Variants in CLOCK observed in about 807,000 individuals in gnomAD.
The protein encoded by CLOCK is clock circadian regulator.
Under a neutral mutation model 118.4 loss-of-function variants are expected in CLOCK, and 43 were observed. That is an observed-to-expected ratio of 0.36 (90% CI 0.28 to 0.47). The LOEUF is 0.47. CLOCK is among the 20% of genes least tolerant of loss of function. The pLI, the probability that CLOCK is intolerant of heterozygous loss-of-function variation, is 1.00. For synonymous variants in CLOCK, 326 were observed against 339.2 expected, an observed-to-expected ratio of 0.96 and a Z score of 0.43; for missense variants, 846 against 999.9, an observed-to-expected ratio of 0.85 and a Z score of 2.08.
chr4:55,485,303 T>A (rs1409119835), intron 3 of CLOCK, among the ~76,000 whole-genome samples: 1 of 152,198 alleles, frequency 6.6e-6, no homozygotes, highest in Non-Finnish European at 1.5e-5. Context: ...GATCTTCATC[T>A]TTCCAGCCAA....
intron 22 of CLOCK, among the ~76,000 whole-genome samples, chr4:55,437,121 G>A (rs1722944026): frequency 6.6e-6 from 1 of 152,042 alleles, no homozygotes; most frequent in South Asian, 2.1e-4. Flanking sequence ...ATAGGCTTAA[G>A]GTCTAAAAGA....
intron 8 of CLOCK, among the ~76,000 whole-genome samples, chr4:55,468,356 C>G (rs546513377): frequency 6.6e-6 from 1 of 152,100 alleles, no homozygotes; most frequent in African/African-American, 2.4e-5. Context: ...ACTGAAAACT[C>G]CCCCCAAAAG....
chr4:55,466,445 A>G (rs997853947), intron 8 of CLOCK, among the ~76,000 whole-genome samples: 1 of 152,194 alleles, frequency 6.6e-6, no homozygotes, highest in Non-Finnish European at 1.5e-5. Context: ...CATCATCTTA[A>G]TAGAAAAACA....
intron 1 of CLOCK, among the ~76,000 whole-genome samples, chr4:55,521,253 C>G (rs1489404697): frequency 6.6e-6 from 1 of 152,104 alleles, no homozygotes; most frequent in Non-Finnish European, 1.5e-5. Context: ...GAGTTTCACT[C>G]TTGTTGCCAG....
chr4:55,443,674 T>C lies in CLOCK; in HGVS notation c.1902+13A>G. On this transcript the variant is annotated intron_variant, in intron 20 of 22. Transcript: ENST00000513440. Reference sequence around the variant, plus strand: ...CTGATCACTCCATAGCCCGCTGTGCTCAGTAACATTACCTGAGTTGATGTA... The same window carrying C: ...CTGATCACTCCATAGCCCGCTGTGCCCAGTAACATTACCTGAGTTGATGTA... 1 of 1,608,746 alleles carries C rather than the reference T, an allele frequency of 6.2e-7. No homozygotes were observed. Among genetic ancestry groups the C allele is most frequent in the Non-Finnish European group, 8.5e-7 (1 of 1,175,140 alleles).
At chr4:55,448,452 T>G (rs1403709264) in intron 18 of CLOCK, among the ~76,000 whole-genome samples, 1 of 152,184 alleles carries the variant, frequency 6.6e-6, no homozygotes, top group Non-Finnish European at 1.5e-5. Flanking sequence ...TGAAAGATAT[T>G]TAGTATTCCT....
intron 2 of CLOCK, among the ~76,000 whole-genome samples, chr4:55,504,904 G>C (rs1348430247): frequency 2.0e-5 from 3 of 152,102 alleles, no homozygotes; most frequent in African/African-American, 7.2e-5. Flanking sequence ...TCGCAGAACA[G>C]GCCAGGCGCA....
At chr4:55,501,675 T>G (rs895322639) in intron 2 of CLOCK, 6 of 152,336 alleles carry the variant, frequency 3.9e-5, no homozygotes, top group Admixed American at 3.9e-4. Context: ...CTGTGAACAA[T>G]CAAATGAAAT....
intron 1 of CLOCK, among the ~76,000 whole-genome samples, chr4:55,530,860 G>C (rs1430812191): frequency 6.7e-6 from 1 of 148,956 alleles, no homozygotes; most frequent in Non-Finnish European, 1.5e-5. Flanking sequence ...CTAAGAAACA[G>C]TAAATCTAAC....
At chr4:55,470,287 T>C (rs978622993) in intron 8 of CLOCK, among the ~76,000 whole-genome samples, 1 of 152,188 alleles carries the variant, frequency 6.6e-6, no homozygotes, top group Non-Finnish European at 1.5e-5. Flanking sequence ...ACCTTTTCTA[T>C]GTTTAGGTAT....
At chr4:55,476,131 C>T (rs2109879915) in intron 6 of CLOCK, 77 bp from the exon 7 acceptor site, 1 of 904,722 alleles carries the variant, frequency 1.1e-6, no homozygotes, top group East Asian at 2.4e-5. Flanking sequence ...TATCTTGTCT[C>T]TTCCCATTCT....
rs925847993 is a variant in CLOCK at position 55,511,937 on chromosome 4, G to A, written c.-289-1872C>T. On this transcript the variant is annotated intron_variant, in intron 1 of 22. Transcript: ENST00000513440. ...ATTTCTCCATGTCTTTTCACGGCTT[G>A]ATAATTTCTTTTTGGCACTGAATGA... Among the ~76,000 whole-genome samples, 3 of 151,740 alleles carry A rather than the reference G, an allele frequency of 2.0e-5. No homozygotes were observed. In the South Asian group the frequency reaches 6.3e-4, roughly 32 times the overall value.
chr4:55,462,379 G>A (rs769398410), intron 9 of CLOCK, among the ~76,000 whole-genome samples: 5 of 152,056 alleles, frequency 3.3e-5, no homozygotes, highest in Non-Finnish European at 5.9e-5. Context: ...CTCAGCCTCC[G>A]GGGTTCAAGC....
intron 4 of CLOCK, among the ~76,000 whole-genome samples, chr4:55,479,974 CTT>C (rs1402448319): frequency 1.3e-5 from 2 of 152,212 alleles, no homozygotes; most frequent in South Asian, 2.1e-4. Flanking sequence ...GTTTAAATAT[CTT>C]GTTTCAAACT....
chr4:55,545,445 G>A (rs1731550654), intron 1 of CLOCK: 1 of 152,038 alleles, frequency 6.6e-6, no homozygotes, highest in East Asian at 1.9e-4. Flanking sequence ...TCTTCAAAGT[G>A]AAATTACCTT....
intron 1 of CLOCK, among the ~76,000 whole-genome samples, chr4:55,526,765 G>GGT (rs1338123290): frequency 2.0e-5 from 3 of 151,888 alleles, no homozygotes; most frequent in Non-Finnish European, 4.4e-5. Context: ...TGGCTAACAC[G>GGT]GTGAAACCCT....
rs529884568 is a variant in CLOCK, at chr4:55,496,310, C to T, written c.-135-6845G>A. The stretch of plus-strand genomic sequence containing the variant: ...TGCCAGCTCATAATCTTTGTTGGAG[C>T]CTCAGTTTCTCTTCCTAGTAAAGGC... On this transcript the variant is annotated intron_variant, in intron 2 of 22. Transcript: ENST00000513440. Among the ~76,000 whole-genome samples the T allele has an allele frequency of 8.6e-5, 13 of 151,846 alleles. No homozygotes were observed. The South Asian group carries it at 2.7e-3, about 32-fold the overall frequency.
chr4:55,539,630 A>G (rs1020358666), intron 1 of CLOCK, among the ~76,000 whole-genome samples: 11 of 151,856 alleles, frequency 7.2e-5, no homozygotes, highest in Non-Finnish European at 1.3e-4. Flanking sequence ...CAGAGAAACA[A>G]AAATAGAAAA....
At chr4:55,512,422 T>C (rs1729220326) in intron 1 of CLOCK, among the ~76,000 whole-genome samples, 1 of 152,158 alleles carries the variant, frequency 6.6e-6, no homozygotes, top group Non-Finnish European at 1.5e-5. Context: ...ATTTTTTAAC[T>C]GGTTTGTTGG....
Sources: gnomAD v4.1 joint callset for allele counts (sites outside exome capture counted in the v4.1 genomes callset) on GRCh38, gnomAD v4.1.1 for gene constraint, MANE v1.5 for transcripts, NCBI Gene and HGNC (gene_info 2026-07-23, HGNC 2026-07-21) for gene names.